The following BRINP3 variants were observed in gnomAD, a reference collection of about 807,000 sequenced individuals.
The protein encoded by BRINP3 is BMP/retinoic acid-inducible neural-specific protein 3.
In BRINP3, 19 loss-of-function variants were observed where a neutral mutation model predicts 71.0. That is an observed-to-expected ratio of 0.27 (90% CI 0.19 to 0.39). The LOEUF (loss-of-function observed/expected upper bound fraction) is 0.39, where lower values mean the gene tolerates loss of function less well. Ranked by LOEUF, BRINP3 falls within the 10% of genes least tolerant of loss-of-function variation. BRINP3 has a pLI of 1.00. For synonymous variants in BRINP3, 380 were observed against 337.7 expected (o/e 1.13, Z -1.37); for missense variants, 959 against 940.8 (o/e 1.02, Z -0.25).
chr1:190,434,939 C>A (rs997609768), intron 2 of BRINP3, among the ~76,000 whole-genome samples: 21 of 152,192 alleles, frequency 1.4e-4, no homozygotes, highest in African/African-American at 5.1e-4. Flanking sequence ...GCCTAGATAG[C>A]AGAGATTTGG....
At chr1:190,242,105 G>A (rs1659155744) in intron 4 of BRINP3, among the ~76,000 whole-genome samples, 1 of 151,654 alleles carries the variant, frequency 6.6e-6, no homozygotes, top group Admixed American at 6.6e-5. Flanking sequence ...AGTAAAAAAT[G>A]AATTTTCAAA....
At chr1:190,107,629 C>T (rs1204718294) in intron 7 of BRINP3, among the ~76,000 whole-genome samples, 1 of 151,832 alleles carries the variant, frequency 6.6e-6, no homozygotes, top group East Asian at 1.9e-4. Flanking sequence ...CTGATAGTAT[C>T]TGTGTTTGTC....
chr1:190,174,307 AT>A (rs1179143561), intron 6 of BRINP3, among the ~76,000 whole-genome samples: 1 of 152,070 alleles, frequency 6.6e-6, no homozygotes, highest in Non-Finnish European at 1.5e-5. Flanking sequence ...AATGTGTCTT[AT>A]TTTCCACTAT....
chr1:190,168,649 G>C (rs989277132), intron 6 of BRINP3, among the ~76,000 whole-genome samples: 2 of 152,154 alleles, frequency 1.3e-5, no homozygotes, highest in African/African-American at 4.8e-5. Context: ...TCTGCTTAAA[G>C]TATAAATCTA....
chr1:190,300,525 CT>C (rs1321445060), intron 2 of BRINP3, among the ~76,000 whole-genome samples: 6 of 151,858 alleles, frequency 4.0e-5, no homozygotes, highest in Non-Finnish European at 8.8e-5. Context: ...TTAAATGTCC[CT>C]GTCTGACAGA....
chr1:190,177,907 A>G (rs1029118209), intron 6 of BRINP3, among the ~76,000 whole-genome samples: 2 of 152,218 alleles, frequency 1.3e-5, no homozygotes, highest in Non-Finnish European at 2.9e-5. Flanking sequence ...GTACATGTAC[A>G]AACTTTTTTC....
chr1:190,222,076 G>A (rs1057312887), intron 6 of BRINP3, among the ~76,000 whole-genome samples: 19 of 151,922 alleles, frequency 1.3e-4, no homozygotes, highest in Admixed American at 6.6e-5. Context: ...GGCCCTAGAT[G>A]ACATTAACAA....
intron 7 of BRINP3, among the ~76,000 whole-genome samples, chr1:190,122,462 G>A (rs1175121259): frequency 2.0e-5 from 3 of 151,556 alleles, no homozygotes; most frequent in Non-Finnish European, 4.4e-5. Flanking sequence ...AACATAGAGG[G>A]AAGAAAGCCA....
At chr1:190,108,889 G>C (rs1270958755) in intron 7 of BRINP3, among the ~76,000 whole-genome samples, 2 of 151,644 alleles carry the variant, frequency 1.3e-5, no homozygotes, top group African/African-American at 4.8e-5. Flanking sequence ...CTTACTTGTG[G>C]GGTAAACCAC....
chr1:190,288,018 T>A lies in BRINP3; in HGVS notation c.237-6268A>T, dbSNP rs569385754. ...TAAGCTTGTTTAAATTAAATCACAT[T>A]TTGAACACTTGTTAGCAAAAGCTTT... is the stretch of plus-strand genomic sequence containing the variant. On this transcript the variant is annotated intron_variant, in intron 2 of 7. Coordinates refer to ENST00000367462, the MANE Select transcript of BRINP3 (RefSeq NM_199051.3). 3.3e-5 allele frequency among the ~76,000 whole-genome samples: 5 copies of A among 152,084 alleles called. No individual in the cohort carries two copies. In the East Asian group the frequency reaches 9.6e-4, roughly 29 times the overall value.
intron 6 of BRINP3, among the ~76,000 whole-genome samples, chr1:190,192,749 A>T (rs1383766797): frequency 6.6e-6 from 1 of 152,132 alleles, no homozygotes; most frequent in African/African-American, 2.4e-5. Flanking sequence ...GGATAAATAC[A>T]TAGTAATAAA....
At chr1:190,138,038 T>G (rs1408107278) in intron 7 of BRINP3, among the ~76,000 whole-genome samples, 1 of 151,990 alleles carries the variant, frequency 6.6e-6, no homozygotes, top group Non-Finnish European at 1.5e-5. Context: ...CACCGCAACC[T>G]CTGCCTCCCA....
chr1:190,317,170 TC>T lies in BRINP3; in HGVS notation c.237-35421del, dbSNP rs1483712441. On this transcript the variant is annotated intron_variant, in intron 2 of 7. Transcript: ENST00000367462. ...GTGGGTGGCTGAGCGAGAGTCCATC[TC>T]AAAAAAAAAAAAAAAAAAAAAGTCT... Among the ~76,000 whole-genome samples, 68 of 96,228 alleles carry T rather than the reference TC, an allele frequency of 7.1e-4. 1 individual carries two copies. The highest frequency in any genetic ancestry group is 8.8e-4 in the Admixed American group (9 of 10,240). 63.1% of individuals were successfully genotyped at this position (96,228 alleles called of 152,430 possible).
At chr1:190,461,007 C>T (rs1676359797) in intron 1 of BRINP3, among the ~76,000 whole-genome samples, 1 of 152,152 alleles carries the variant, frequency 6.6e-6, no homozygotes, top group Non-Finnish European at 1.5e-5. Context: ...TTCCCACTAG[C>T]CATGTGGCTC....
chr1:190,327,989 A>G (rs1032227352), intron 2 of BRINP3, among the ~76,000 whole-genome samples: 12 of 152,276 alleles, frequency 7.9e-5, no homozygotes, highest in Admixed American at 2.0e-4. Context: ...TACCAAGAAG[A>G]TATCTCGAAA....
chr1:190,388,408 A>G (rs1354107519), intron 2 of BRINP3, among the ~76,000 whole-genome samples: 1 of 151,866 alleles, frequency 6.6e-6, no homozygotes. Flanking sequence ...CAAAGGTCAC[A>G]CTGAATTAGT....
chr1:190,323,467 G>A (rs924047323), intron 2 of BRINP3, among the ~76,000 whole-genome samples: 1 of 151,610 alleles, frequency 6.6e-6, no homozygotes, highest in Non-Finnish European at 1.5e-5. Flanking sequence ...ACCCTTTAAC[G>A]ATTGTAATTC....
intron 2 of BRINP3, among the ~76,000 whole-genome samples, chr1:190,412,802 T>G (rs1672778510): frequency 6.6e-6 from 1 of 152,036 alleles, no homozygotes; most frequent in South Asian, 2.1e-4. Context: ...CTATACATTT[T>G]TGGTAAAAAT....
chr1:190,350,457 T>C (rs984256423), intron 2 of BRINP3, among the ~76,000 whole-genome samples: 1 of 151,972 alleles, frequency 6.6e-6, no homozygotes, highest in Non-Finnish European at 1.5e-5. Flanking sequence ...AGTTACACAA[T>C]AGAAAATAAG....
Sources: gnomAD v4.1 joint callset for allele counts (sites outside exome capture counted in the v4.1 genomes callset) on GRCh38, gnomAD v4.1.1 for gene constraint, MANE v1.5 for transcripts, NCBI Gene and HGNC (gene_info 2026-07-23, HGNC 2026-07-21) for gene names.